ROBO1: variants seen among roughly 807,000 people sequenced by gnomAD.
The protein encoded by ROBO1 is roundabout guidance receptor 1.
Under a neutral mutation model 195.9 loss-of-function variants are expected in ROBO1, and 149 were observed. The observed-to-expected ratio is 0.76, with a 90% confidence interval of 0.67 to 0.87. The LOEUF is 0.87. ROBO1 is among the 40% of genes least tolerant of loss of function. ROBO1 has a pLI of 0.00. For missense variants in ROBO1, 1,933 were observed against 2,068.3 expected (o/e 0.93, Z 1.27); for synonymous variants, 816 against 733.2 (o/e 1.11, Z -1.82).
intron 3 of ROBO1, among the ~76,000 whole-genome samples, chr3:79,067,066 G>C (rs1176627585): frequency 6.6e-6 from 1 of 151,888 alleles, no homozygotes; most frequent in Non-Finnish European, 1.5e-5. Context: ...TGAATTACAA[G>C]TCTTTCATAC....
chr3:79,198,942 G>GT (rs1305543575), intron 2 of ROBO1, among the ~76,000 whole-genome samples: 3 of 151,952 alleles, frequency 2.0e-5, no homozygotes, highest in Non-Finnish European at 4.4e-5. Flanking sequence ...AGATGATGGG[G>GT]TTTTCTAAGT....
At position 78,657,251 on chromosome 3, in the gene ROBO1, C is replaced by G; in HGVS notation, c.2461G>C (p.Glu821Gln). ...QEYKVWCLGN[E>Q]TRYHINKTVD... is the part of the protein sequence containing the mutation. ...GTTTTGTTGATGTGGTATCGAGTTT[C>G]ATTGCCCAGACACCAAACCTGTAAG... The change falls in exon 18 of 31, where the codon GAA (glutamate) becomes CAA (glutamine). Residue 821 changes from glutamate (E) to glutamine (Q), a missense_variant. Physicochemically the swap from Glu to Gln is conservative, Grantham distance 29. Transcript: ENST00000464233. 6.2e-7 allele frequency: 1 copy of G among 1,613,628 alleles called. No homozygotes were observed. The highest frequency in any genetic ancestry group is 8.5e-7 in the Non-Finnish European group (1 of 1,179,742).
chr3:79,571,895 T>C lies in ROBO1; in HGVS notation c.88+17929A>G, dbSNP rs181425994. ...GCTTCCTAAATTTAATGTTCTCTTCTGGCCTTTTGTAATGATTTCAGAGAC... is the reference window on the plus strand; with the variant it reads ...GCTTCCTAAATTTAATGTTCTCTTCCGGCCTTTTGTAATGATTTCAGAGAC... On this transcript the variant is annotated intron_variant, in intron 2 of 30. Transcript: ENST00000464233. 3.3e-5 allele frequency among the ~76,000 whole-genome samples: 5 copies of C among 152,190 alleles called. No individual in the cohort carries two copies. In the East Asian group the frequency reaches 7.7e-4, roughly 23 times the overall value.
chr3:78,637,829 C>T (rs1159015226), intron 22 of ROBO1, among the ~76,000 whole-genome samples: 2 of 152,164 alleles, frequency 1.3e-5, no homozygotes, highest in East Asian at 1.9e-4. Context: ...GCAGACTGCT[C>T]TATGATTTGT....
intron 1 of ROBO1, among the ~76,000 whole-genome samples, chr3:79,731,867 GTTTTT>G (rs1375663623): frequency 6.6e-6 from 1 of 151,918 alleles, no homozygotes; most frequent in African/African-American, 2.4e-5. Flanking sequence ...GGTGAAATAA[GTTTTT>G]TTTATCATAG....
intron 3 of ROBO1, 83 bp from the exon 4 acceptor site, chr3:78,939,010 A>G (rs2039975957): frequency 8.3e-7 from 1 of 1,198,582 alleles, no homozygotes; most frequent in African/African-American, 1.5e-5. Context: ...CTTAACCATT[A>G]CTATTTAAAC....
chr3:79,286,695 T>C (rs757505774), intron 2 of ROBO1, among the ~76,000 whole-genome samples: 19 of 152,192 alleles, frequency 1.2e-4, no homozygotes, highest in Non-Finnish European at 2.2e-4. Flanking sequence ...TCCTAACGCC[T>C]GCCCAAGGAT....
intron 28 of ROBO1, chr3:78,607,437 T>C (rs958332859): frequency 5.3e-6 from 1 of 187,286 alleles, no homozygotes; most frequent in African/African-American, 2.4e-5. Context: ...GGTCTCAAAC[T>C]CCTGGACTCA....
At chr3:79,333,962 G>A (rs1035697336) in intron 2 of ROBO1, among the ~76,000 whole-genome samples, 4 of 152,012 alleles carry the variant, frequency 2.6e-5, no homozygotes, top group East Asian at 3.9e-4. Context: ...TCTCTTTTAC[G>A]TTCTTAAGGT....
chr3:78,821,110 A>G (rs897783911), intron 4 of ROBO1, among the ~76,000 whole-genome samples: 1 of 152,028 alleles, frequency 6.6e-6, no homozygotes, highest in African/African-American at 2.4e-5. Context: ...GTGAAACTTC[A>G]AATTCTATTA....
At chr3:79,166,372 C>T (rs539193842) in intron 2 of ROBO1, among the ~76,000 whole-genome samples, 7 of 152,198 alleles carry the variant, frequency 4.6e-5, no homozygotes, top group African/African-American at 1.7e-4. Context: ...ATATTCATTA[C>T]TCATCTTATA....
chr3:78,692,047 A>C (rs2081187378), intron 8 of ROBO1, among the ~76,000 whole-genome samples: 1 of 151,340 alleles, frequency 6.6e-6, no homozygotes, highest in Admixed American at 6.6e-5. Flanking sequence ...TAGATTATAT[A>C]ATACATAATA....
chr3:79,574,642 C>G (rs751294257), intron 2 of ROBO1, among the ~76,000 whole-genome samples: 22 of 151,864 alleles, frequency 1.4e-4, no homozygotes, highest in Non-Finnish European at 2.9e-4. Context: ...CTAAGGTTAT[C>G]TAACACTATG....
chr3:78,861,350 C>T lies in ROBO1; in HGVS notation c.499+77251G>A, dbSNP rs180730090. ...TTGCCTCTTTCCATGTCTACCGGCA[C>T]AATCCTAGCTTCTAATACGCCTTCT... On this transcript the variant is annotated intron_variant, in intron 4 of 30. Transcript: ENST00000464233. Among the ~76,000 whole-genome samples the T allele has an allele frequency of 3.8e-4, 58 of 152,282 alleles. No individual in the cohort carries two copies. In the East Asian group the frequency reaches 5.6e-3, roughly 15 times the overall value.
At chr3:79,551,565 A>G (rs1474905457) in intron 2 of ROBO1, among the ~76,000 whole-genome samples, 1 of 152,116 alleles carries the variant, frequency 6.6e-6, no homozygotes, top group Non-Finnish European at 1.5e-5. Context: ...ATAAAACAGC[A>G]AAGCTTTGAT....
chr3:78,646,045 C>T (rs1332962047), intron 21 of ROBO1, 103 bp downstream of exon 21: 27 of 1,022,062 alleles, frequency 2.6e-5, no homozygotes, highest in Non-Finnish European at 4.1e-5. Flanking sequence ...ATAAATTCCA[C>T]CTTTAAGTTA....
At chr3:79,615,828 T>C (rs1424018372) in intron 1 of ROBO1, among the ~76,000 whole-genome samples, 1 of 152,184 alleles carries the variant, frequency 6.6e-6, no homozygotes, top group Non-Finnish European at 1.5e-5. Flanking sequence ...TGAATCTCTA[T>C]GCTTACATTT....
Position 79,195,112 on chromosome 3 carries a change from C to G in ROBO1, c.89-69573G>C, listed in dbSNP as rs1247024269. On this transcript the variant is annotated intron_variant, in intron 2 of 30. Coordinates refer to ENST00000464233, the MANE Select transcript of ROBO1 (RefSeq NM_002941.4). The stretch of plus-strand genomic sequence containing the variant: ...CTTCAGGTGGCTTTGGGTTTAAGTT[C>G]CTGGGTCTATCAGGTGCTAATTGTT... 7.9e-5 allele frequency among the ~76,000 whole-genome samples: 12 copies of G among 151,394 alleles called. No homozygotes were observed. In the South Asian group the frequency reaches 2.3e-3, roughly 29 times the overall value.
intron 2 of ROBO1, among the ~76,000 whole-genome samples, chr3:79,293,744 A>AAGAAATTTT (rs2032401091): frequency 1.3e-5 from 2 of 152,072 alleles, no homozygotes; most frequent in Non-Finnish European, 2.9e-5. Flanking sequence ...GCTACCATTG[A>AAGAAATTTT]CTTTCTTCAC....
Sources: gnomAD v4.1 joint callset for allele counts (sites outside exome capture counted in the v4.1 genomes callset) on GRCh38, gnomAD v4.1.1 for gene constraint, MANE v1.5 for transcripts, NCBI Gene and HGNC (gene_info 2026-07-23, HGNC 2026-07-21) for gene names.